Variants in TTLL5 observed in about 807,000 individuals in gnomAD.
TTLL5 encodes the protein tubulin polyglutamylase TTLL5.
TTLL5 carries 132 observed loss-of-function variants against 168.4 expected under a neutral mutation model. The observed-to-expected ratio is 0.78, with a 90% CI of 0.68 to 0.91. The LOEUF (loss-of-function observed/expected upper bound fraction) is 0.91, where lower values mean the gene tolerates loss of function less well. Ranked by LOEUF, TTLL5 falls within the 40% of genes least tolerant of loss-of-function variation. The probability of loss-of-function intolerance (pLI) is 0.00; values close to 1 mark genes in which losing one functional copy is unlikely to be tolerated. For missense variants in TTLL5, 1,545 were observed against 1,581.5 expected, an observed-to-expected ratio of 0.98 and a Z score of 0.39; for synonymous variants, 546 against 558.6, an observed-to-expected ratio of 0.98 and a Z score of 0.32.
chr14:75,786,862 G>A (rs555458623), intron 26 of TTLL5, among the ~76,000 whole-genome samples: 6 of 152,212 alleles, frequency 3.9e-5, no homozygotes, highest in African/African-American at 7.2e-5. Context: ...GCCGGGCACA[G>A]CGTCTTATGC....
intron 15 of TTLL5, chr14:75,744,435 G>A (rs1889471612): frequency 6.6e-6 from 1 of 152,244 alleles, no homozygotes; most frequent in African/African-American, 2.4e-5. Context: ...TCTGGGATCA[G>A]TGATGGACAG....
At chr14:75,780,267 C>A (rs1223724946) in intron 24 of TTLL5, among the ~76,000 whole-genome samples, 1 of 152,144 alleles carries the variant, frequency 6.6e-6, no homozygotes, top group Non-Finnish European at 1.5e-5. Flanking sequence ...AATTCTTTGT[C>A]GTGTGGGGCT....
intron 27 of TTLL5, among the ~76,000 whole-genome samples, chr14:75,795,461 G>A (rs1892951183): frequency 6.6e-6 from 1 of 152,088 alleles, no homozygotes; most frequent in Non-Finnish European, 1.5e-5. Context: ...GGGGGAACAG[G>A]TGGTGTTTGG....
intron 30 of TTLL5, chr14:75,886,756 G>A: frequency 6.3e-7 from 1 of 1,597,486 alleles, no homozygotes; most frequent in Non-Finnish European, 8.5e-7. Flanking sequence ...CAAGCAGTCA[G>A]CTGAACTGAG....
chr14:75,757,340 C>G (rs1266869571), intron 18 of TTLL5, among the ~76,000 whole-genome samples: 1 of 151,882 alleles, frequency 6.6e-6, no homozygotes, highest in Admixed American at 6.6e-5. Context: ...CCTTTTGAAC[C>G]CCATGAGAAT....
intron 19 of TTLL5, 38 bp downstream of exon 19, chr14:75,764,810 G>T (rs746073331): frequency 1.1e-5 from 18 of 1,611,326 alleles, no homozygotes; most frequent in Non-Finnish European, 1.4e-5. Context: ...TCCCTTATCT[G>T]GATCCTGCCA....
At chr14:75,863,444 A>G (rs573993590) in intron 28 of TTLL5, among the ~76,000 whole-genome samples, 2 of 152,288 alleles carry the variant, frequency 1.3e-5, no homozygotes, top group South Asian at 4.1e-4. Context: ...GCCAGGCCTT[A>G]TGATACGTGC....
intron 31 of TTLL5, among the ~76,000 whole-genome samples, chr14:75,922,233 T>G (rs1337328479): frequency 1.3e-5 from 2 of 152,134 alleles, no homozygotes; most frequent in African/African-American, 4.8e-5. Flanking sequence ...TTCTTTCTCT[T>G]GCCTGATTGC....
At chr14:75,780,339 C>T (rs985938515) in intron 24 of TTLL5, among the ~76,000 whole-genome samples, 6 of 152,132 alleles carry the variant, frequency 3.9e-5, no homozygotes, top group Non-Finnish European at 8.8e-5. Flanking sequence ...CATTAGCTTC[C>T]GCCAGCCATT....
chr14:75,917,083 G>T (rs1308610039), intron 31 of TTLL5, among the ~76,000 whole-genome samples: 1 of 152,208 alleles, frequency 6.6e-6, no homozygotes, highest in African/African-American at 2.4e-5. Context: ...CAGTTTTGCA[G>T]GATGCAGAGT....
At chr14:75,723,687 A>C (rs1423172440) in intron 12 of TTLL5, among the ~76,000 whole-genome samples, 1 of 152,140 alleles carries the variant, frequency 6.6e-6, no homozygotes, top group African/African-American at 2.4e-5. Context: ...TGGCAATAGA[A>C]TGTTCCGACG....
At chr14:75,720,021 C>A (rs555474551) in intron 11 of TTLL5, among the ~76,000 whole-genome samples, 195 bp downstream of exon 11, 1 of 152,148 alleles carries the variant, frequency 6.6e-6, no homozygotes, top group Non-Finnish European at 1.5e-5. Context: ...TTTCTTGTTT[C>A]GGGTCTGAAA....
chr14:75,716,071 G>A (rs1047753967), intron 9 of TTLL5, among the ~76,000 whole-genome samples: 2 of 152,114 alleles, frequency 1.3e-5, no homozygotes, highest in African/African-American at 4.8e-5. Context: ...GCTGAGGCAG[G>A]CAGCCAGCAC....
At chr14:75,690,439 T>C in intron 6 of TTLL5, 117 bp downstream of exon 6, 1 of 1,295,002 alleles carries the variant, frequency 7.7e-7, no homozygotes, top group Non-Finnish European at 1.0e-6. Context: ...TAGACAACTG[T>C]GACTCTTTAG....
At chr14:75,886,752 G>A (rs1327771764) in intron 30 of TTLL5, 1 of 1,597,648 alleles carries the variant, frequency 6.3e-7, no homozygotes, top group East Asian at 2.2e-5. Flanking sequence ...CTTCCAAGCA[G>A]TCAGCTGAAC....
At chr14:75,932,474 C>T (rs1429402576) in intron 31 of TTLL5, among the ~76,000 whole-genome samples, 2 of 152,136 alleles carry the variant, frequency 1.3e-5, no homozygotes, top group African/African-American at 4.8e-5. Flanking sequence ...CTGTTTGCCT[C>T]TACTTCTCAT....
At chr14:75,681,397 C>T (rs965856483) in intron 3 of TTLL5, 148 bp from the exon 4 acceptor site, 4 of 621,938 alleles carry the variant, frequency 6.4e-6, no homozygotes, top group East Asian at 3.0e-5. Flanking sequence ...TTTAAGAACT[C>T]ATGGTCCAAA....
rs1555353208 is a variant in TTLL5, at chr14:75,874,933, C to CTTTTTTTTTTTTTT, written c.3523-7747_3523-7734dup. Among the ~76,000 whole-genome samples the CTTTTTTTTTTTTTT allele has an allele frequency of 3.9e-4, 38 of 97,530 alleles. 2 individuals are homozygous for CTTTTTTTTTTTTTT. Among genetic ancestry groups the CTTTTTTTTTTTTTT allele is most frequent in the African/African-American group, 1.5e-3 (30 of 20,370 alleles). 64.0% of individuals were successfully genotyped at this position (97,530 alleles called of 152,430 possible). On this transcript the variant is annotated intron_variant, in intron 29 of 31. Coordinates refer to ENST00000298832, the MANE Select transcript of TTLL5 (RefSeq NM_015072.5). ...AGAGAAAAAAAAAGACACTGGGGGC[C>CTTTTTTTTTTTTTT]TTTTTTTTTTTTTTTTTTGAGACGG...
chr14:75,908,102 A>C (rs1373281842), intron 31 of TTLL5, among the ~76,000 whole-genome samples: 1 of 152,254 alleles, frequency 6.6e-6, no homozygotes, highest in Non-Finnish European at 1.5e-5. Flanking sequence ...TCTCTGTTGC[A>C]GATACAGCCA....
Sources: gnomAD v4.1 joint callset for allele counts (sites outside exome capture counted in the v4.1 genomes callset) on GRCh38, gnomAD v4.1.1 for gene constraint, MANE v1.5 for transcripts, NCBI Gene and HGNC (gene_info 2026-07-23, HGNC 2026-07-21) for gene names.